LDLRAP1: variants seen among roughly 807,000 people sequenced by gnomAD.
LDLRAP1 encodes the protein low density lipoprotein receptor adaptor protein 1.
LDLRAP1 carries 30 observed loss-of-function variants against 37.8 expected under a neutral mutation model. That is an observed-to-expected ratio of 0.79 (90% CI 0.59 to 1.08). The LOEUF is 1.08. LDLRAP1 is among the 50% of genes least tolerant of loss of function. The pLI, the probability that LDLRAP1 is intolerant of heterozygous loss-of-function variation, is 0.00. For synonymous variants in LDLRAP1, 156 were observed against 169.8 expected (o/e 0.92, Z 0.63); for missense variants, 375 against 401.6 (o/e 0.93, Z 0.57).
chr1:25,589,303 C>CAAAAGAAAGAAAGAAAGAAAGAAAG, the LDLRAP1 span, among the ~76,000 whole-genome samples: 1 of 127,570 alleles, frequency 7.8e-6, no homozygotes, highest in Admixed American at 9.6e-5. Flanking sequence ...CACTCCATCT[C>CAAAAGAAAGAAAGAAAGAAAGAAAG]AAAAGAAAGA....
the LDLRAP1 span, among the ~76,000 whole-genome samples, chr1:25,577,987 G>A: frequency 1.3e-5 from 2 of 152,212 alleles, no homozygotes; most frequent in Non-Finnish European, 2.9e-5. Flanking sequence ...AGCTCAGGGG[G>A]CATCTGGGCT....
intron 4 of LDLRAP1, among the ~76,000 whole-genome samples, chr1:25,561,104 G>A (rs1429101069): frequency 6.6e-6 from 1 of 152,240 alleles, no homozygotes; most frequent in African/African-American, 2.4e-5. Flanking sequence ...TTAAATAATG[G>A]CGTTTTCATA....
At chr1:25,573,885 C>T (rs1045764249), downstream of LDLRAP1, among the ~76,000 whole-genome samples, 14 of 152,342 alleles carry the variant, frequency 9.2e-5, no homozygotes, top group African/African-American at 3.1e-4. Context: ...GCATGCCAGG[C>T]GTCTGGAACA....
the LDLRAP1 span, among the ~76,000 whole-genome samples, chr1:25,579,218 CA>C: frequency 1.3e-5 from 2 of 152,222 alleles, no homozygotes; most frequent in African/African-American, 4.8e-5. Context: ...CCAGCTCCAG[CA>C]CCCCACTCGA....
chr1:25,543,949 G>A (rs529769509), intron 1 of LDLRAP1, among the ~76,000 whole-genome samples, 163 bp downstream of exon 1: 52 of 152,148 alleles, frequency 3.4e-4, no homozygotes, highest in African/African-American at 1.2e-3. Flanking sequence ...GGGGTCGGCC[G>A]GGGTCAAGTT....
the LDLRAP1 span, among the ~76,000 whole-genome samples, chr1:25,577,570 C>A: frequency 6.6e-6 from 1 of 152,312 alleles, no homozygotes; most frequent in Non-Finnish European, 1.5e-5. Flanking sequence ...GTTAGGAAGG[C>A]TTTCTACAGC....
intron 1 of LDLRAP1, among the ~76,000 whole-genome samples, chr1:25,552,695 C>T (rs529789508): frequency 3.3e-5 from 5 of 152,274 alleles, no homozygotes; most frequent in Admixed American, 1.3e-4. Context: ...TCCGAGGAGC[C>T]GGGGATGGTC....
At chr1:25,574,483 G>C in the LDLRAP1 span, among the ~76,000 whole-genome samples, 3 of 152,304 alleles carry the variant, frequency 2.0e-5, no homozygotes, top group Admixed American at 6.5e-5. Context: ...TTGTCTGAGC[G>C]GGGGGCTTCC....
At chr1:25,561,120 G>A (rs1414866831) in intron 4 of LDLRAP1, among the ~76,000 whole-genome samples, 1 of 152,230 alleles carries the variant, frequency 6.6e-6, no homozygotes, top group East Asian at 1.9e-4. Context: ...TCATATCCCT[G>A]CCACATTGGG....
chr1:25,576,507 C>T, the LDLRAP1 span, among the ~76,000 whole-genome samples: 11 of 152,174 alleles, frequency 7.2e-5, no homozygotes, highest in African/African-American at 1.2e-4. Context: ...GCCTGGTCAA[C>T]AAGAGTGAAA....
intron 4 of LDLRAP1, among the ~76,000 whole-genome samples, chr1:25,559,416 C>G (rs1047009393): frequency 1.3e-5 from 2 of 152,164 alleles, no homozygotes; most frequent in African/African-American, 4.8e-5. Context: ...TGAAATCAGC[C>G]TACCCTCAGG....
In LDLRAP1 at chr1:25,557,445, G is replaced by T. The variant is rs1163350400; in HGVS notation, c.459+178G>T. On this transcript the variant is annotated intron_variant, in intron 4 of 8. Transcript: ENST00000374338. ...AGCTAAGGGGTACAGTGGTGGGGCT[G>T]CAGGCAGGCAGGTGAACCGCCGGTC... is the stretch of plus-strand genomic sequence containing the variant. The T allele has an allele frequency of 8.2e-6, 5 of 609,500 alleles. No individual in the cohort carries two copies. In the Admixed American group the frequency reaches 1.4e-4, roughly 17 times the overall value. The allele number at this position is 609,500 out of a possible 1,614,324, so 37.8% of individuals were successfully genotyped here. A position where few individuals can be genotyped will look rare whatever the true frequency, so the allele number is the denominator to read the frequency against.
chr1:25,571,991 G>C (rs1159023904), downstream of LDLRAP1, among the ~76,000 whole-genome samples: 1 of 152,200 alleles, frequency 6.6e-6, no homozygotes, highest in African/African-American at 2.4e-5. Context: ...GGCATGAGCT[G>C]GGCTTGCAGT....
At chr1:25,575,629 CT>C in the LDLRAP1 span, among the ~76,000 whole-genome samples, 1 of 152,052 alleles carries the variant, frequency 6.6e-6, no homozygotes, top group Non-Finnish European at 1.5e-5. Flanking sequence ...AAAAATCTCA[CT>C]TTGTCATTTC....
At chr1:25,586,882 G>A in the LDLRAP1 span, among the ~76,000 whole-genome samples, 1 of 152,142 alleles carries the variant, frequency 6.6e-6, no homozygotes, top group Non-Finnish European at 1.5e-5. The surrounding 1 kb of genome is among the most constrained non-coding windows in gnomAD (Gnocchi z 4.3). Context: ...ACCCAAAGCT[G>A]ACCCTAGAGT....
intron 8 of LDLRAP1, 100 bp downstream of exon 8, chr1:25,565,307 C>A: frequency 7.8e-7 from 1 of 1,275,840 alleles, no homozygotes; most frequent in Middle Eastern, 2.0e-4. Context: ...AGAACACAAG[C>A]CACTCAGACC....
chr1:25,565,364 G>T (rs780888782), intron 8 of LDLRAP1, among the ~76,000 whole-genome samples, 157 bp downstream of exon 8: 1 of 152,168 alleles, frequency 6.6e-6, no homozygotes, highest in African/African-American at 2.4e-5. Flanking sequence ...GCTTCCAGGG[G>T]CAGGGAGCTC....
downstream of LDLRAP1, among the ~76,000 whole-genome samples, chr1:25,569,370 T>C (rs1438514720): frequency 6.6e-6 from 1 of 152,176 alleles, no homozygotes; most frequent in South Asian, 2.1e-4. Context: ...GTGGCCCAGA[T>C]GAACTCAGGA....
At chr1:25,570,273 G>A (rs1393348881), downstream of LDLRAP1, among the ~76,000 whole-genome samples, 2 of 152,148 alleles carry the variant, frequency 1.3e-5, no homozygotes, top group East Asian at 1.9e-4. Flanking sequence ...TTTAGTCTCC[G>A]GATGTCTCGG....
Sources: gnomAD v4.1 joint callset for allele counts (sites outside exome capture counted in the v4.1 genomes callset) on GRCh38, gnomAD v4.1.1 for gene constraint, Gnocchi (gnomAD v3.1) non-coding constraint, MANE v1.5 for transcripts, NCBI Gene and HGNC (gene_info 2026-07-23, HGNC 2026-07-21) for gene names.